Variants in NIBAN1 observed in about 807,000 individuals in gnomAD.
NIBAN1 encodes niban apoptosis regulator 1.
NIBAN1 carries 81 observed loss-of-function variants against 75.1 expected under a neutral mutation model. The ratio of observed to expected loss-of-function variants is 1.08; its 90% CI spans 0.90 to 1.30. NIBAN1 has a LOEUF of 1.30. NIBAN1 is among the 50% of genes most tolerant of loss of function. The pLI is 0.00. For missense variants in NIBAN1, 1,133 were observed against 1,128.1 expected (o/e 1.00, Z -0.06); for synonymous variants, 436 against 424.8 (o/e 1.03, Z -0.32).
At chr1:184,869,268 A>C (rs1656036745) in intron 5 of NIBAN1, among the ~76,000 whole-genome samples, 1 of 152,192 alleles carries the variant, frequency 6.6e-6, no homozygotes, top group Non-Finnish European at 1.5e-5. Flanking sequence ...GAGATCATCC[A>C]TGTACACCTA....
chr1:184,885,884 C>T (rs1453154685), intron 4 of NIBAN1, among the ~76,000 whole-genome samples: 1 of 152,142 alleles, frequency 6.6e-6, no homozygotes, highest in African/African-American at 2.4e-5. Context: ...CTCCTGGTTT[C>T]CTTCATGCTT....
At chr1:184,842,622 G>C (rs146409195) in intron 5 of NIBAN1, among the ~76,000 whole-genome samples, 1 of 152,030 alleles carries the variant, frequency 6.6e-6, no homozygotes, top group African/African-American at 2.4e-5. Flanking sequence ...GCGTGGTGGC[G>C]GGCGCCTGTA....
At chr1:184,853,930 A>T (rs1655610350) in intron 5 of NIBAN1, among the ~76,000 whole-genome samples, 1 of 152,208 alleles carries the variant, frequency 6.6e-6, no homozygotes, top group Admixed American at 6.5e-5. Flanking sequence ...ATATAATGAG[A>T]TATAATGAAA....
At chr1:184,892,347 T>C (rs185852917) in intron 3 of NIBAN1, among the ~76,000 whole-genome samples, 1 of 152,292 alleles carries the variant, frequency 6.6e-6, no homozygotes, top group Admixed American at 6.5e-5. Context: ...CAAGGGCGCC[T>C]ATCTAGTAAG....
intron 8 of NIBAN1, chr1:184,821,323 C>T (rs1654694710): frequency 6.6e-6 from 1 of 152,098 alleles, no homozygotes; most frequent in African/African-American, 2.4e-5. Flanking sequence ...ATACAAAGCC[C>T]TTTATTAATG....
intron 2 of NIBAN1, among the ~76,000 whole-genome samples, chr1:184,896,574 T>C (rs944432769): frequency 6.6e-6 from 1 of 152,168 alleles, no homozygotes; most frequent in Non-Finnish European, 1.5e-5. Context: ...ATTTTTGTTT[T>C]TGTTGCATTT....
chr1:184,840,814 G>A (rs1321024321), intron 5 of NIBAN1, among the ~76,000 whole-genome samples: 1 of 151,602 alleles, frequency 6.6e-6, no homozygotes, highest in Non-Finnish European at 1.5e-5. Context: ...TAGACTGGCT[G>A]ATGATGCAAA....
chr1:184,933,434 C>T (rs1327655671), intron 1 of NIBAN1, among the ~76,000 whole-genome samples: 1 of 152,202 alleles, frequency 6.6e-6, no homozygotes, highest in Non-Finnish European at 1.5e-5. Context: ...TCTCTTCTTC[C>T]TTTTAAACCC....
chr1:184,863,265 A>G (rs1205264832), intron 5 of NIBAN1, among the ~76,000 whole-genome samples: 1 of 152,194 alleles, frequency 6.6e-6, no homozygotes, highest in East Asian at 1.9e-4. Context: ...TATTCTTAGG[A>G]CAACAAGAAG....
intron 1 of NIBAN1, among the ~76,000 whole-genome samples, chr1:184,935,769 C>A: frequency 6.7e-6 from 1 of 149,484 alleles, no homozygotes; most frequent in Non-Finnish European, 1.5e-5. Context: ...TCTAGGGACA[C>A]CAACTAAGTC....
At chr1:184,828,108 A>G (rs555972696) in intron 6 of NIBAN1, among the ~76,000 whole-genome samples, 73 of 152,234 alleles carry the variant, frequency 4.8e-4, no homozygotes, top group Admixed American at 1.1e-3. Context: ...TCATGATCTC[A>G]TTTGATATAT....
At chr1:184,814,604 T>A (rs1654475124) in intron 9 of NIBAN1, among the ~76,000 whole-genome samples, 1 of 152,244 alleles carries the variant, frequency 6.6e-6, no homozygotes, top group African/African-American at 2.4e-5. Context: ...AAAATTTTTG[T>A]ATCATCATTT....
chr1:184,974,414 T>A lies in NIBAN1; in HGVS notation c.-58A>T. On this transcript the variant is annotated 5_prime_UTR_variant, in exon 1 of 14. Transcript: ENST00000367511. ...TGCCCGGTCCGCGCCCGCTGCTAGCTCCTGGAGGTTGATCCGACGGCGAAC... is the reference window on the plus strand; with the variant it reads ...TGCCCGGTCCGCGCCCGCTGCTAGCACCTGGAGGTTGATCCGACGGCGAAC... The A allele has an allele frequency of 6.6e-7, 1 of 1,516,436 alleles. No homozygotes were observed. Among genetic ancestry groups the A allele is most frequent in the South Asian group, 1.2e-5 (1 of 81,970 alleles). 93.9% of individuals were successfully genotyped at this position (1,516,436 alleles called of 1,614,324 possible).
At position 184,796,106 on chromosome 1, in the gene NIBAN1, T is replaced by C. The variant is rs1014618703; in HGVS notation, c.1667-9A>G. ...AGCAGCTTCCTTTATCACTGAGAGATATCAGAAAACAAAACATGATTTTCT... is the reference window on the plus strand; with the variant it reads ...AGCAGCTTCCTTTATCACTGAGAGACATCAGAAAACAAAACATGATTTTCT... On this transcript the variant is annotated splice_polypyrimidine_tract_variant and intron_variant, in intron 13 of 13. Transcript: ENST00000367511. The C allele has an allele frequency of 6.7e-7, 1 of 1,497,340 alleles. No individual in the cohort carries two copies. Among genetic ancestry groups the C allele is most frequent in the Non-Finnish European group, 8.9e-7 (1 of 1,128,598 alleles). The allele number at this position is 1,497,340 out of a possible 1,614,324, so 92.8% of individuals were successfully genotyped here.
At chr1:184,942,857 G>A (rs1316759088) in intron 1 of NIBAN1, among the ~76,000 whole-genome samples, 1 of 152,116 alleles carries the variant, frequency 6.6e-6, no homozygotes. Context: ...TATGGTTTGT[G>A]ACATCGAATA....
intron 9 of NIBAN1, among the ~76,000 whole-genome samples, chr1:184,814,667 T>C (rs192650321): frequency 6.6e-6 from 1 of 152,354 alleles, no homozygotes; most frequent in African/African-American, 2.4e-5. Flanking sequence ...TAATATCCAA[T>C]GTTTTAAACC....
At chr1:184,797,517 G>A (rs1653910489) in intron 13 of NIBAN1, among the ~76,000 whole-genome samples, 1 of 150,128 alleles carries the variant, frequency 6.7e-6, no homozygotes, top group Admixed American at 6.6e-5. Flanking sequence ...TGAGGATACT[G>A]GATGCCGGAG....
At chr1:184,860,342 G>T (rs1470878926) in intron 5 of NIBAN1, among the ~76,000 whole-genome samples, 1 of 152,022 alleles carries the variant, frequency 6.6e-6, no homozygotes, top group Non-Finnish European at 1.5e-5. Context: ...AATTAATTTT[G>T]TAAACATGCA....
chr1:184,951,488 C>A (rs1018952134), intron 1 of NIBAN1, among the ~76,000 whole-genome samples: 1 of 152,170 alleles, frequency 6.6e-6, no homozygotes, highest in Non-Finnish European at 1.5e-5. Context: ...TTGTTCAGGT[C>A]AGAAATTGTG....
Sources: gnomAD v4.1 joint callset for allele counts (sites outside exome capture counted in the v4.1 genomes callset) on GRCh38, gnomAD v4.1.1 for gene constraint, MANE v1.5 for transcripts, NCBI Gene and HGNC (gene_info 2026-07-23, HGNC 2026-07-21) for gene names.